Variants in WASF2 observed in about 807,000 individuals in gnomAD.
WASF2 encodes the protein WASP family member 2.
A neutral mutation model predicts 45.0 loss-of-function variants in WASF2; 14 were observed. The observed-to-expected ratio is 0.31, with a 90% CI of 0.21 to 0.49. WASF2 has a LOEUF of 0.49. Among genes scored for constraint, WASF2 ranks in the 20% least tolerant of loss-of-function variants. The pLI is 0.99. For synonymous variants in WASF2, 200 were observed against 236.3 expected, an observed-to-expected ratio of 0.85 and a Z score of 1.41; for missense variants, 439 against 636.1, an observed-to-expected ratio of 0.69 and a Z score of 3.33.
At chr1:27,409,009 G>A (rs550085953) in intron 8 of WASF2, among the ~76,000 whole-genome samples, 60 of 151,580 alleles carry the variant, frequency 4.0e-4, no homozygotes, top group African/African-American at 1.3e-3. Flanking sequence ...GTTTTTTTTC[G>A]AAGGCACAAA....
intron 1 of WASF2, among the ~76,000 whole-genome samples, chr1:27,456,476 T>G (rs1350282803): frequency 5.9e-5 from 9 of 152,096 alleles, no homozygotes; most frequent in Admixed American, 5.9e-4. Context: ...GAGGTCCATA[T>G]CAGATAGGCC....
chr1:27,487,579 A>G (rs1195249151), intron 1 of WASF2, among the ~76,000 whole-genome samples: 1 of 99,004 alleles, frequency 1.0e-5, no homozygotes, highest in Non-Finnish European at 1.8e-5. Flanking sequence ...TATAATATAT[A>G]TTATATATAT....
In WASF2 at chr1:27,418,436, G is replaced by A. The variant is rs1362180903; in HGVS notation, c.266-14C>T. 1 of 1,614,100 alleles carries A rather than the reference G, an allele frequency of 6.2e-7. No individual in the cohort carries two copies. Among genetic ancestry groups the A allele is most frequent in the African/African-American group, 1.3e-5 (1 of 74,940 alleles). Reference sequence around the variant, plus strand: ...CTTGCAGTGACACTGAGAGAAGATGGAAGGCGTTAGAAAATGGACGACAGG... The same window carrying A: ...CTTGCAGTGACACTGAGAGAAGATGAAAGGCGTTAGAAAATGGACGACAGG... On this transcript the variant is annotated splice_polypyrimidine_tract_variant and intron_variant, in intron 3 of 8. Transcript: ENST00000618852.
intron 1 of WASF2, among the ~76,000 whole-genome samples, chr1:27,475,387 G>A (rs1355861697): frequency 6.6e-6 from 1 of 152,102 alleles, no homozygotes; most frequent in Non-Finnish European, 1.5e-5. Context: ...TCACTCTCAG[G>A]ATACACTAAG....
intron 2 of WASF2, among the ~76,000 whole-genome samples, chr1:27,422,895 T>G (rs1162260778): frequency 6.6e-6 from 1 of 152,142 alleles, no homozygotes; most frequent in Non-Finnish European, 1.5e-5. Context: ...TCCCAATGCT[T>G]TGGGAGGCCG....
intron 1 of WASF2, among the ~76,000 whole-genome samples, chr1:27,476,509 C>T (rs2017768376): frequency 6.6e-6 from 1 of 151,936 alleles, no homozygotes; most frequent in Non-Finnish European, 1.5e-5. Flanking sequence ...CTGGGTATTA[C>T]ATTTCAACAT....
intron 1 of WASF2, among the ~76,000 whole-genome samples, chr1:27,439,285 GAATA>G (rs1214547380): frequency 6.6e-6 from 1 of 152,034 alleles, no homozygotes. Context: ...GCCTAGCACA[GAATA>G]ATTAAAACAA....
chr1:27,459,123 TAA>T (rs752680109), intron 1 of WASF2, among the ~76,000 whole-genome samples: 5 of 142,396 alleles, frequency 3.5e-5, no homozygotes, highest in Admixed American at 7.1e-5. Context: ...AGACTCCATC[TAA>T]AAAAAAAAAA....
chr1:27,437,572 T>C (rs2017153733), intron 1 of WASF2, among the ~76,000 whole-genome samples: 2 of 152,240 alleles, frequency 1.3e-5, no homozygotes, highest in Non-Finnish European at 2.9e-5. Context: ...ACACAGGATC[T>C]ACAATGTGGT....
chr1:27,421,208 T>C (rs1557599330), intron 2 of WASF2, among the ~76,000 whole-genome samples: 1 of 152,252 alleles, frequency 6.6e-6, no homozygotes, highest in African/African-American at 2.4e-5. Flanking sequence ...GACAAGCATT[T>C]CTACTCTGCA....
At chr1:27,470,095 G>A (rs1465262846) in intron 1 of WASF2, among the ~76,000 whole-genome samples, 1 of 152,222 alleles carries the variant, frequency 6.6e-6, no homozygotes, top group African/African-American at 2.4e-5. Flanking sequence ...TATCTGAAGT[G>A]TACAGACAGT....
At chr1:27,443,830 G>A (rs1041547030) in intron 1 of WASF2, among the ~76,000 whole-genome samples, 1 of 151,918 alleles carries the variant, frequency 6.6e-6, no homozygotes, top group African/African-American at 2.4e-5. Flanking sequence ...CCCGGCTGGA[G>A]TGCAGGGGGG....
At chr1:27,430,249 A>G (rs902734359) in intron 1 of WASF2, among the ~76,000 whole-genome samples, 2 of 152,280 alleles carry the variant, frequency 1.3e-5, no homozygotes, top group African/African-American at 4.8e-5. Flanking sequence ...TTATAAAACT[A>G]AAGAAATCTA....
rs569511471 is a variant in WASF2 at position 27,453,965 on chromosome 1, C to A, written c.-43-25032G>T. Among the ~76,000 whole-genome samples, 597 of 151,958 alleles carry A rather than the reference C, an allele frequency of 3.9e-3. 2 individuals are homozygous for A. Among genetic ancestry groups the A allele is most frequent in the African/African-American group, 0.014 (581 of 41,450 alleles). On this transcript the variant is annotated intron_variant, in intron 1 of 8. Coordinates refer to ENST00000618852, the MANE Select transcript of WASF2 (RefSeq NM_006990.5). Reference sequence around the variant, plus strand: ...TCCCAAAGCCATCTCCTTTCCTTATCCTGAAATAACTATCTTAAACGTGTG... The same window carrying A: ...TCCCAAAGCCATCTCCTTTCCTTATACTGAAATAACTATCTTAAACGTGTG...
chr1:27,481,113 G>A (rs1352532995), intron 1 of WASF2, among the ~76,000 whole-genome samples: 1 of 149,482 alleles, frequency 6.7e-6, no homozygotes, highest in Non-Finnish European at 1.5e-5. Flanking sequence ...TAGCTTACAT[G>A]GTGAAACCCC....
At chr1:27,437,495 T>C (rs1462799113) in intron 1 of WASF2, among the ~76,000 whole-genome samples, 1 of 152,228 alleles carries the variant, frequency 6.6e-6, no homozygotes, top group Admixed American at 6.5e-5. Context: ...GGAAAAGATT[T>C]ACCCGCATAA....
intron 1 of WASF2, among the ~76,000 whole-genome samples, chr1:27,467,642 G>T (rs2017633638): frequency 6.6e-6 from 1 of 151,530 alleles, no homozygotes; most frequent in Admixed American, 6.6e-5. Flanking sequence ...GGGGGGCGCA[G>T]TGGCTCACAC....
intron 1 of WASF2, among the ~76,000 whole-genome samples, chr1:27,489,736 A>C (rs1343017284): frequency 6.6e-6 from 1 of 152,158 alleles, no homozygotes; most frequent in Non-Finnish European, 1.5e-5. Flanking sequence ...TCAGGCCGGG[A>C]CACTCATAGT....
chr1:27,478,935 G>A (rs1356013813), intron 1 of WASF2, among the ~76,000 whole-genome samples: 1 of 151,636 alleles, frequency 6.6e-6, no homozygotes, highest in Non-Finnish European at 1.5e-5. Flanking sequence ...GTTTACATTT[G>A]TCAAAACTCG....
Sources: gnomAD v4.1 joint callset for allele counts (sites outside exome capture counted in the v4.1 genomes callset) on GRCh38, gnomAD v4.1.1 for gene constraint, MANE v1.5 for transcripts, NCBI Gene and HGNC (gene_info 2026-07-23, HGNC 2026-07-21) for gene names.